The following KAZN variants were observed in gnomAD, a reference collection of about 807,000 sequenced individuals.
The protein encoded by KAZN is kazrin, periplakin interacting protein.
KAZN carries 40 observed loss-of-function variants against 87.4 expected under a neutral mutation model. That is an observed-to-expected ratio of 0.46 (90% CI 0.36 to 0.60). The LOEUF is 0.60. KAZN is among the 20% of genes least tolerant of loss of function. KAZN has a pLI of 0.00. For missense variants in KAZN, 898 were observed against 1,073.9 expected, an observed-to-expected ratio of 0.84 and a Z score of 2.29; for synonymous variants, 466 against 458.3, an observed-to-expected ratio of 1.02 and a Z score of -0.22.
intron 2 of KAZN, among the ~76,000 whole-genome samples, chr1:14,462,206 A>G (rs1044970974): frequency 4.6e-5 from 7 of 151,814 alleles, no homozygotes; most frequent in Non-Finnish European, 7.4e-5. Context: ...AGACAGGAGT[A>G]AACTGCATTG....
intron 1 of KAZN, among the ~76,000 whole-genome samples, chr1:14,089,878 T>TA (rs1490517594): frequency 6.6e-6 from 1 of 152,188 alleles, no homozygotes; most frequent in African/African-American, 2.4e-5. Context: ...CACCATTATT[T>TA]AAAAAATATT....
chr1:13,942,569 AAAATGTATAT>A (rs70987704), intron 1 of KAZN, among the ~76,000 whole-genome samples: 3,772 of 119,242 alleles, frequency 0.032, 150 homozygotes, highest in Middle Eastern at 0.053. Flanking sequence ...AAAAAAAAAA[AAAATGTATAT>A]ATATAATTCA....
chr1:14,609,528 C>T (rs1422489291), intron 1 of KAZN, among the ~76,000 whole-genome samples: 1 of 152,240 alleles, frequency 6.6e-6, no homozygotes, highest in African/African-American at 2.4e-5. Flanking sequence ...AACCCACCCT[C>T]TAACTTTTTC....
In KAZN at chr1:14,045,553, AATG is replaced by A. The variant is rs567381582; in HGVS notation, c.92-134879_92-134877del. On this transcript the variant is annotated intron_variant, in intron 1 of 16. Transcript: ENST00000636203. The stretch of plus-strand genomic sequence containing the variant: ...GTAAATATCTACAATTATTATTATC[AATG>A]ATAACTGACAGCAGATTCTGAATCA... Among the ~76,000 whole-genome samples, 365 of 152,342 alleles carry A rather than the reference AATG, an allele frequency of 2.4e-3. 3 individuals are homozygous for A. Among genetic ancestry groups the A allele is most frequent in the African/African-American group, 8.5e-3 (355 of 41,576 alleles).
intron 1 of KAZN, among the ~76,000 whole-genome samples, chr1:14,157,089 G>A (rs1040387309): frequency 4.6e-5 from 7 of 151,962 alleles, no homozygotes; most frequent in African/African-American, 1.7e-4. Context: ...AGCACCATTT[G>A]CATAAACAAA....
chr1:14,009,525 C>T (rs568938105), intron 1 of KAZN, among the ~76,000 whole-genome samples: 1 of 152,292 alleles, frequency 6.6e-6, no homozygotes, highest in Admixed American at 6.5e-5. Context: ...TGTGATAGCT[C>T]ACTTAATTTT....
At chr1:14,361,414 C>T (rs994322893) in intron 2 of KAZN, among the ~76,000 whole-genome samples, 3 of 152,222 alleles carry the variant, frequency 2.0e-5, no homozygotes, top group African/African-American at 7.2e-5. Context: ...GGAACCAAGA[C>T]CACTTGGCTC....
chr1:14,482,838 T>C (rs1270039343), intron 2 of KAZN, among the ~76,000 whole-genome samples: 2 of 152,148 alleles, frequency 1.3e-5, no homozygotes, highest in African/African-American at 2.4e-5. Flanking sequence ...CGGGAGCTAA[T>C]ATAACTTTAT....
chr1:15,053,342 C>T (rs764910476), intron 4 of KAZN, among the ~76,000 whole-genome samples: 1 of 152,204 alleles, frequency 6.6e-6, no homozygotes, highest in East Asian at 1.9e-4. Flanking sequence ...TGTACAGAGG[C>T]TCGAGACACA....
chr1:14,684,064 G>A (rs556809811), intron 1 of KAZN, among the ~76,000 whole-genome samples: 1 of 152,286 alleles, frequency 6.6e-6, no homozygotes, highest in Admixed American at 6.5e-5. Flanking sequence ...GGCTTGGGCT[G>A]TCTACGCAGA....
intron 2 of KAZN, among the ~76,000 whole-genome samples, chr1:14,231,906 G>GGA (rs1647891740): frequency 1.3e-5 from 2 of 152,274 alleles, no homozygotes; most frequent in South Asian, 4.1e-4. Context: ...CCTTTCCCCT[G>GGA]GAGATACTAC....
At chr1:14,571,139 TG>T (rs750236022) in intron 2 of KAZN, among the ~76,000 whole-genome samples, 73 of 152,314 alleles carry the variant, frequency 4.8e-4, no homozygotes, top group Non-Finnish European at 9.4e-4. Flanking sequence ...TTTTTTTATT[TG>T]TTTTTTTATA....
chr1:14,821,582 T>C (rs557063398), intron 1 of KAZN, among the ~76,000 whole-genome samples: 3 of 151,050 alleles, frequency 2.0e-5, no homozygotes, highest in Non-Finnish European at 2.9e-5. Flanking sequence ...CCAATACAAC[T>C]GGTGTCCTTG....
rs1645070511 is a variant in KAZN, at chr1:14,773,214, C to T, written c.226+173991C>T. 6.6e-6 allele frequency among the ~76,000 whole-genome samples: 1 copy of T among 152,106 alleles called. No individual in the cohort carries two copies. The highest frequency in any genetic ancestry group is 2.4e-5 in the African/African-American group (1 of 41,414). ...ACAATTATCTTCAGGACAAAGACGGCCCCAACACTTCCGGAAGAGATCTGA... is the reference window on the plus strand; with the variant it reads ...ACAATTATCTTCAGGACAAAGACGGTCCCAACACTTCCGGAAGAGATCTGA... On this transcript the variant is annotated intron_variant, in intron 1 of 14. Coordinates refer to ENST00000376030, the MANE Select transcript of KAZN (RefSeq NM_201628.3). This position sits in a 1 kb window ranked among gnomAD's most constrained non-coding sequence, Gnocchi z 5.9.
intron 1 of KAZN, chr1:14,946,027 A>G (rs1572892759): frequency 1.3e-5 from 6 of 475,136 alleles, no homozygotes; most frequent in Non-Finnish European, 1.4e-5. Flanking sequence ...TGGGAGATGA[A>G]TACTATTGTG....
chr1:13,996,342 C>A (rs1256989390), intron 1 of KAZN, among the ~76,000 whole-genome samples: 1 of 152,104 alleles, frequency 6.6e-6, no homozygotes, highest in Non-Finnish European at 1.5e-5. Flanking sequence ...GAGGGGCAAC[C>A]AGCACCATAA....
chr1:13,910,390 C>T (rs757906809), intron 1 of KAZN, among the ~76,000 whole-genome samples: 38 of 152,000 alleles, frequency 2.5e-4, no homozygotes, highest in Middle Eastern at 6.3e-3. Context: ...TGCCTGTAAT[C>T]CCAGCTACCC....
chr1:13,910,696 T>C (rs1175127787), intron 1 of KAZN, among the ~76,000 whole-genome samples: 1 of 152,106 alleles, frequency 6.6e-6, no homozygotes, highest in African/African-American at 2.4e-5. Flanking sequence ...CTTTTCTTTA[T>C]AAATTACCCA....
intron 8 of KAZN, among the ~76,000 whole-genome samples, chr1:15,087,474 C>A (rs1475311507): frequency 6.6e-6 from 1 of 151,488 alleles, no homozygotes; most frequent in Non-Finnish European, 1.5e-5. Context: ...CTCACTGCAA[C>A]CCCCGCCTCC....
Sources: gnomAD v4.1 joint callset for allele counts (sites outside exome capture counted in the v4.1 genomes callset) on GRCh38, gnomAD v4.1.1 for gene constraint, Gnocchi (gnomAD v3.1) non-coding constraint, MANE v1.5 for transcripts, NCBI Gene and HGNC (gene_info 2026-07-23, HGNC 2026-07-21) for gene names.